The following SMCHD1 variants were observed in gnomAD, a reference collection of about 807,000 sequenced individuals.
The protein encoded by SMCHD1 is structural maintenance of chromosomes flexible hinge domain containing 1.
SMCHD1 carries 78 observed loss-of-function variants against 254.7 expected under a neutral mutation model. That is an observed-to-expected ratio of 0.31 (90% CI 0.26 to 0.37). The LOEUF is 0.37. Ranked by LOEUF, SMCHD1 falls within the 10% of genes least tolerant of loss-of-function variation. SMCHD1 has a pLI of 1.00. For missense variants in SMCHD1, 1,840 were observed against 2,408.1 expected, an observed-to-expected ratio of 0.76 and a Z score of 4.94; for synonymous variants, 766 against 794.9, an observed-to-expected ratio of 0.96 and a Z score of 0.61.
chr18:2,662,196 TAAATAAAGAAAG>T (rs1303129573), intron 1 of SMCHD1, among the ~76,000 whole-genome samples: 1 of 79,820 alleles, frequency 1.3e-5, no homozygotes, highest in East Asian at 2.4e-4. Context: ...AATAAATAAA[TAAATAAAGAAAG>T]AAAGAAAGAA....
intron 37 of SMCHD1, among the ~76,000 whole-genome samples, chr18:2,768,072 G>T (rs1214515417): frequency 6.6e-6 from 1 of 151,922 alleles, no homozygotes; most frequent in African/African-American, 2.4e-5. Context: ...ATTGTTATGT[G>T]GTGCATGACT....
chr18:2,770,179 C>CTTGT, intron 39 of SMCHD1, 71 bp downstream of exon 39: 1 of 1,464,128 alleles, frequency 6.8e-7, no homozygotes, highest in Non-Finnish European at 9.2e-7. Flanking sequence ...TCGTGATACA[C>CTTGT]AAACAAGCTT....
intron 5 of SMCHD1, among the ~76,000 whole-genome samples, chr18:2,681,643 ATAACTTGGGCAC>A (rs1408648252): frequency 2.0e-5 from 3 of 151,636 alleles, no homozygotes; most frequent in African/African-American, 7.3e-5. Context: ...AAATTCTCTC[ATAACTTGGGCAC>A]TATAAGAATT....
At chr18:2,697,004 A>G (rs1433644790) in intron 8 of SMCHD1, 28 bp from the exon 9 acceptor site, 1 of 993,416 alleles carries the variant, frequency 1.0e-6, no homozygotes, top group Admixed American at 3.2e-5. Context: ...GTGAATTAAA[A>G]GTATAAAATT....
intron 12 of SMCHD1, chr18:2,701,153 TAG>T: frequency 9.8e-6 from 3 of 305,804 alleles, no homozygotes; most frequent in Non-Finnish European, 1.7e-5. Flanking sequence ...ATATCTTCAT[TAG>T]TTTTTTTTGT....
chr18:2,721,308 G>GTATGCCAATGCTTGTTCAT (rs2074921383), intron 19 of SMCHD1, among the ~76,000 whole-genome samples: 1 of 152,018 alleles, frequency 6.6e-6, no homozygotes, highest in Admixed American at 6.6e-5. Flanking sequence ...TAGAGTCATT[G>GTATGCCAATGCTTGTTCAT]TTACAGGGTT....
At chr18:2,692,139 A>C (rs2074193674) in intron 7 of SMCHD1, among the ~76,000 whole-genome samples, 1 of 152,220 alleles carries the variant, frequency 6.6e-6, no homozygotes, top group South Asian at 2.1e-4. Context: ...GTACAGTAAA[A>C]GGTGGTAGGA....
intron 44 of SMCHD1, among the ~76,000 whole-genome samples, chr18:2,780,591 G>C (rs549499794): frequency 3.2e-4 from 48 of 152,306 alleles, no homozygotes; most frequent in South Asian, 2.5e-3. Flanking sequence ...GAAGACTCCT[G>C]TTCAATGAGA....
chr18:2,722,058 C>G (rs2074937819), intron 19 of SMCHD1, among the ~76,000 whole-genome samples: 1 of 152,210 alleles, frequency 6.6e-6, no homozygotes, highest in African/African-American at 2.4e-5. Flanking sequence ...TTCCTTGTTA[C>G]ACATGTTGCA....
In SMCHD1 at chr18:2,738,261, G is replaced by A. The variant is rs8092725; in HGVS notation, c.3277-136G>A. 0.21 allele frequency: 155,312 copies of A among 724,526 alleles called. 17,742 individuals carry two copies. The highest frequency in any genetic ancestry group is 0.27 in the Admixed American group (7,860 of 28,794). 44.9% of individuals were successfully genotyped at this position (724,526 alleles called of 1,614,324 possible). ...ATCATATTAGTATATGAACCACACC[G>A]TTTCTGACCATAAAGAGACTTTTTT... On this transcript the variant is annotated intron_variant, in intron 25 of 47. Coordinates refer to ENST00000320876, the MANE Select transcript of SMCHD1 (RefSeq NM_015295.3).
At chr18:2,672,632 G>A (rs2073642101) in intron 3 of SMCHD1, among the ~76,000 whole-genome samples, 1 of 152,200 alleles carries the variant, frequency 6.6e-6, no homozygotes, top group Non-Finnish European at 1.5e-5. Context: ...AGGGATAAAA[G>A]CAGGAAATAG....
intron 7 of SMCHD1, among the ~76,000 whole-genome samples, chr18:2,692,379 C>T (rs1361686917): frequency 1.3e-5 from 2 of 152,158 alleles, no homozygotes; most frequent in African/African-American, 2.4e-5. Context: ...GAGACCATGT[C>T]TCTTAAAAGA....
chr18:2,672,197 T>C (rs2073625380), intron 3 of SMCHD1, among the ~76,000 whole-genome samples: 1 of 152,022 alleles, frequency 6.6e-6, no homozygotes, highest in Admixed American at 6.6e-5. Context: ...TTAGGGTGAG[T>C]AGAAGTGCTT....
chr18:2,717,850 G>A (rs2074837420), intron 17 of SMCHD1, among the ~76,000 whole-genome samples: 1 of 151,816 alleles, frequency 6.6e-6, no homozygotes, highest in South Asian at 2.1e-4. Flanking sequence ...TCTAGAGTGG[G>A]CAATAAATAA....
Position 2,675,779 on chromosome 18 carries a change from T to C in SMCHD1, c.638+1634T>C, listed in dbSNP as rs527619870. Among the ~76,000 whole-genome samples, 36 of 152,016 alleles carry C rather than the reference T, an allele frequency of 2.4e-4. 1 individual carries two copies. Among genetic ancestry groups the C allele is most frequent in the Non-Finnish European group, 4.6e-4 (31 of 67,998 alleles). ...ACATCAGTTATATCAACTGGAAGAG[T>C]AGAAAGAAATGCAAATCTTAACTGA... On this transcript the variant is annotated intron_variant, in intron 5 of 47. Coordinates refer to ENST00000320876, the MANE Select transcript of SMCHD1 (RefSeq NM_015295.3).
At chr18:2,756,492 T>TG (rs1568320015) in intron 34 of SMCHD1, among the ~76,000 whole-genome samples, 1 of 152,148 alleles carries the variant, frequency 6.6e-6, no homozygotes, top group Non-Finnish European at 1.5e-5. Context: ...GGTGTTTTTG[T>TG]GGGGGGAAGG....
chr18:2,751,400 C>T lies in SMCHD1; in HGVS notation c.4281+7C>T. On this transcript the variant is annotated splice_region_variant and intron_variant, in intron 33 of 47. Coordinates refer to ENST00000320876, the MANE Select transcript of SMCHD1 (RefSeq NM_015295.3). ...GAACCGACCCCCAGCAAATGTGAGT[C>T]ATGGGAAGCATTTTTTGAAGTTAAA... 1 of 1,491,850 alleles carries T rather than the reference C, an allele frequency of 6.7e-7. No homozygotes were observed. Among genetic ancestry groups the T allele is most frequent in the South Asian group, 1.3e-5 (1 of 79,690 alleles). The allele number at this position is 1,491,850 out of a possible 1,614,324, so 92.4% of individuals were successfully genotyped here.
chr18:2,685,224 C>T lies in SMCHD1; in HGVS notation c.639-3170C>T, dbSNP rs572140035. 6.6e-5 allele frequency among the ~76,000 whole-genome samples: 10 copies of T among 151,392 alleles called. No individual in the cohort carries two copies. In the East Asian group the frequency reaches 1.4e-3, roughly 21 times the overall value. ...ACGCCATTCTCCGGCCTCAGCCTCC[C>T]GAGTAGCTGGGACTACAGGCGCCCG... On this transcript the variant is annotated intron_variant, in intron 5 of 47. Coordinates refer to ENST00000320876, the MANE Select transcript of SMCHD1 (RefSeq NM_015295.3).
rs1366758478 is a variant in SMCHD1, at chr18:2,802,529, A to G, written c.5995A>G (p.Ile1999Val). ...TTTTTTTCTTTCCCCTTTGACCAGG[A>G]TTATAACCAAAACAGATGTATGAGA... Reference protein sequence around the residue: ...MRREATRQNRIITKTDV With the variant: ...MRREATRQNRVITKTDV The change falls in exon 48 of 48, where the codon ATT (isoleucine) becomes GTT (valine). Residue 1999 changes from isoleucine to valine, a missense_variant and splice_region_variant. By Grantham distance (29) the Ile-to-Val change is conservative. Transcript: ENST00000320876. 2 of 1,553,564 alleles carry G rather than the reference A, an allele frequency of 1.3e-6. No individual in the cohort carries two copies. The highest frequency in any genetic ancestry group is 2.4e-5 in the South Asian group (2 of 83,746).
Sources: gnomAD v4.1 joint callset for allele counts (sites outside exome capture counted in the v4.1 genomes callset) on GRCh38, gnomAD v4.1.1 for gene constraint, MANE v1.5 for transcripts, NCBI Gene and HGNC (gene_info 2026-07-23, HGNC 2026-07-21) for gene names.